The following RELN variants were observed in gnomAD, a reference collection of about 807,000 sequenced individuals.
RELN encodes reelin.
RELN carries 108 observed loss-of-function variants against 427.6 expected under a neutral mutation model. The ratio of observed to expected loss-of-function variants is 0.25; its 90% CI spans 0.22 to 0.30. The LOEUF (loss-of-function observed/expected upper bound fraction) is 0.30, where lower values mean the gene tolerates loss of function less well. Ranked by LOEUF, RELN falls within the 10% of genes least tolerant of loss-of-function variation. The pLI is 1.00. For synonymous variants in RELN, 1,524 were observed against 1,513.4 expected, an observed-to-expected ratio of 1.01 and a Z score of -0.16; for missense variants, 3,715 against 4,302.8, an observed-to-expected ratio of 0.86 and a Z score of 3.82.
At position 103,755,714 on chromosome 7, in the gene RELN, G is replaced by T. The variant is rs575531671; in HGVS notation, c.545-2500C>A. 2.3e-5 allele frequency among the ~76,000 whole-genome samples: 3 copies of T among 133,120 alleles called. No homozygotes were observed. In the Admixed American group the frequency reaches 2.3e-4, roughly 10 times the overall value. The allele number at this position is 133,120 out of a possible 152,430, so 87.3% of individuals were successfully genotyped here. A position where few individuals can be genotyped will look rare whatever the true frequency, so the allele number is the denominator to read the frequency against. ...GCCTGTAGTCCCAGCTACTCAGGAG[G>T]CTGAGGCAGGAGAATGGCGTGAACT... is the stretch of plus-strand genomic sequence containing the variant. On this transcript the variant is annotated intron_variant, in intron 4 of 64. Coordinates refer to ENST00000428762, the MANE Select transcript of RELN (RefSeq NM_005045.4).
intron 1 of RELN, among the ~76,000 whole-genome samples, chr7:103,979,514 T>G (rs1461567804): frequency 6.6e-6 from 1 of 152,222 alleles, no homozygotes; most frequent in Non-Finnish European, 1.5e-5. Flanking sequence ...GAAAGTGATT[T>G]TTGAAGATCT....
At chr7:103,632,756 T>C (rs1278998266) in intron 19 of RELN, among the ~76,000 whole-genome samples, 1 of 152,114 alleles carries the variant, frequency 6.6e-6, no homozygotes, top group African/African-American at 2.4e-5. Context: ...TACTATTGAA[T>C]TGGGTGACAT....
intron 4 of RELN, among the ~76,000 whole-genome samples, chr7:103,773,124 CTTTCTTTCT>C (rs1243474975): frequency 1.2e-5 from 1 of 86,620 alleles, no homozygotes; most frequent in Non-Finnish European, 2.7e-5. Flanking sequence ...TTCTTTCTTT[CTTTCTTTCT>C]TTCTTTCTTT....
intron 46 of RELN, among the ~76,000 whole-genome samples, chr7:103,526,563 A>G (rs888952766): frequency 2.6e-5 from 4 of 152,226 alleles, no homozygotes; most frequent in Admixed American, 2.0e-4. Flanking sequence ...GGATACACAT[A>G]CTATCCAATA....
chr7:103,650,130 A>T (rs1037794594), intron 16 of RELN, 144 bp downstream of exon 16: 1 of 708,462 alleles, frequency 1.4e-6, no homozygotes, highest in Admixed American at 2.0e-5. Flanking sequence ...CTTCTAACAG[A>T]ATGCAAAGGA....
In RELN at chr7:103,620,156, A is replaced by G. The variant is rs1832184722; in HGVS notation, c.2703-8353T>C. Among the ~76,000 whole-genome samples, 1 of 152,152 alleles carries G rather than the reference A, an allele frequency of 6.6e-6. No individual in the cohort carries two copies. The highest frequency in any genetic ancestry group is 6.5e-5 in the Admixed American group (1 of 15,272). On this transcript the variant is annotated intron_variant, in intron 20 of 64. Coordinates refer to ENST00000428762, the MANE Select transcript of RELN (RefSeq NM_005045.4). This position sits in a 1 kb window ranked among gnomAD's most constrained non-coding sequence, Gnocchi z 4.1. ...CTCATGGTAGTGGGTAAGTCTCATG[A>G]GAACTGATGATTTTATAAGGCTTTT...
rs1316244107 is a variant in RELN at position 103,988,988 on chromosome 7, G to T, written c.226+143C>A. 7 of 711,044 alleles carry T rather than the reference G, an allele frequency of 9.8e-6. No individual in the cohort carries two copies. In the East Asian group the frequency reaches 1.9e-4, roughly 19 times the overall value. 44.0% of individuals were successfully genotyped at this position (711,044 alleles called of 1,614,324 possible). A position where few individuals can be genotyped will look rare whatever the true frequency, so the allele number is the denominator to read the frequency against. On this transcript the variant is annotated intron_variant, in intron 1 of 64. Transcript: ENST00000428762. The surrounding 1 kb of genome is among the most constrained non-coding windows in gnomAD (Gnocchi z 4.9). ...TCCATTCTCCACTAACTTTATTCTC[G>T]CTCCCTGGACCAAGCGCATCGCTGG...
intron 10 of RELN, among the ~76,000 whole-genome samples, chr7:103,695,497 T>A (rs992660539): frequency 1.3e-5 from 2 of 152,066 alleles, no homozygotes; most frequent in African/African-American, 2.4e-5. Context: ...ATATTCCACA[T>A]AAAGTTGTAA....
chr7:103,913,686 T>A (rs1373839231), intron 2 of RELN, among the ~76,000 whole-genome samples: 1 of 152,164 alleles, frequency 6.6e-6, no homozygotes, highest in Non-Finnish European at 1.5e-5. Context: ...ACCCCAAAAA[T>A]TAATGTGCTT....
chr7:103,798,411 T>G (rs960364644), intron 3 of RELN, among the ~76,000 whole-genome samples: 4 of 152,152 alleles, frequency 2.6e-5, no homozygotes, highest in Non-Finnish European at 5.9e-5. Flanking sequence ...CTACCTGTTA[T>G]CGTTGGGAAG....
intron 3 of RELN, among the ~76,000 whole-genome samples, chr7:103,811,437 G>A (rs551862142): frequency 6.6e-6 from 1 of 152,274 alleles, no homozygotes; most frequent in African/African-American, 2.4e-5. Context: ...TTAAACATAA[G>A]TCCTGATTTA....
intron 25 of RELN, 136 bp from the exon 26 acceptor site, chr7:103,594,628 A>G (rs1388719511): frequency 2.3e-6 from 2 of 872,396 alleles, no homozygotes; most frequent in Non-Finnish European, 3.6e-6. Flanking sequence ...AAAGCCCGTA[A>G]GTTTGGACAT....
intron 8 of RELN, among the ~76,000 whole-genome samples, chr7:103,712,296 T>G (rs1218033578): frequency 1.3e-5 from 2 of 151,306 alleles, no homozygotes; most frequent in Middle Eastern, 3.4e-3. Flanking sequence ...ACAAATAAAC[T>G]TTGTCTGTTC....
chr7:103,647,028 T>C (rs1832811747), intron 16 of RELN, among the ~76,000 whole-genome samples: 1 of 151,828 alleles, frequency 6.6e-6, no homozygotes. Context: ...ATAAAAACCC[T>C]CAACAAACTA....
At chr7:103,885,792 C>G (rs74495727) in intron 2 of RELN, among the ~76,000 whole-genome samples, 2 of 152,300 alleles carry the variant, frequency 1.3e-5, no homozygotes, top group East Asian at 3.9e-4. Flanking sequence ...ACCCACTACT[C>G]TAATAGCTTT....
chr7:103,805,562 C>G (rs1215795125), intron 3 of RELN, among the ~76,000 whole-genome samples: 2 of 152,136 alleles, frequency 1.3e-5, no homozygotes, highest in East Asian at 3.9e-4. Flanking sequence ...GGTCCACCCC[C>G]TCACAAATCC....
intron 16 of RELN, among the ~76,000 whole-genome samples, chr7:103,647,824 A>G (rs1832828136): frequency 6.6e-6 from 1 of 152,176 alleles, no homozygotes; most frequent in Non-Finnish European, 1.5e-5. Flanking sequence ...TATAGTAAAC[A>G]AAACTGCATG....
intron 55 of RELN, 132 bp downstream of exon 55, chr7:103,497,688 C>G (rs1828881861): frequency 1.3e-6 from 1 of 765,020 alleles, no homozygotes; most frequent in Admixed American, 2.0e-5. Context: ...CAAACAAAAT[C>G]TGTAGCTTTT....
chr7:103,585,358 T>C (rs971871635), intron 28 of RELN, among the ~76,000 whole-genome samples: 1 of 151,944 alleles, frequency 6.6e-6, no homozygotes, highest in Non-Finnish European at 1.5e-5. Flanking sequence ...CAATCAGAAA[T>C]AATAAAGGTG....
Sources: gnomAD v4.1 joint callset for allele counts (sites outside exome capture counted in the v4.1 genomes callset) on GRCh38, gnomAD v4.1.1 for gene constraint, Gnocchi (gnomAD v3.1) non-coding constraint, MANE v1.5 for transcripts, NCBI Gene and HGNC (gene_info 2026-07-23, HGNC 2026-07-21) for gene names.